SLAIN2: variants seen among roughly 807,000 people sequenced by gnomAD.
The protein encoded by SLAIN2 is SLAIN family member 2, also known as SLAIN motif-containing protein 2.
Under a neutral mutation model 56.6 loss-of-function variants are expected in SLAIN2, and 31 were observed. The ratio of observed to expected loss-of-function variants is 0.55; its 90% CI spans 0.41 to 0.74. SLAIN2 has a LOEUF of 0.74. Ranked by LOEUF, SLAIN2 falls within the 30% of genes least tolerant of loss-of-function variation. The pLI, the probability that SLAIN2 is intolerant of heterozygous loss-of-function variation, is 0.00. For missense variants in SLAIN2, 777 were observed against 754.2 expected, an observed-to-expected ratio of 1.03 and a Z score of -0.35; for synonymous variants, 317 against 284.9, an observed-to-expected ratio of 1.11 and a Z score of -1.13.
intron 4 of SLAIN2, among the ~76,000 whole-genome samples, chr4:48,381,833 T>A (rs1715980362): frequency 6.6e-6 from 1 of 152,240 alleles, no homozygotes; most frequent in South Asian, 2.1e-4. Context: ...CATTGCAGTT[T>A]GTTTCTTCAT....
In SLAIN2 at chr4:48,420,150, C is replaced by T. The variant is rs1487189004; in HGVS notation, c.1386C>T (p.Ser462=). The T allele has an allele frequency of 6.2e-7, 1 of 1,613,852 alleles. No homozygotes were observed. The highest frequency in any genetic ancestry group is 8.5e-7 in the Non-Finnish European group (1 of 1,179,834). The change falls in exon 7 of 8, where the codon TCC becomes TCT. Residue 462 remains serine (S), a synonymous_variant. Coordinates refer to ENST00000264313, the MANE Select transcript of SLAIN2 (RefSeq NM_020846.2). ...TACCTTCTCCAGGCAAATTCCGTTC[C>T]CCTGCAGCACCATCTCCTTTGGCTC... ...SAIPSPGKFR[S]PAAPSPLALR... is the part of the protein sequence containing the mutation.
At chr4:48,397,397 A>T (rs1212916901) in intron 6 of SLAIN2, among the ~76,000 whole-genome samples, 2 of 152,168 alleles carry the variant, frequency 1.3e-5, no homozygotes, top group Non-Finnish European at 2.9e-5. Flanking sequence ...GGCAACTAAG[A>T]AGGAATTAAT....
chr4:48,386,107 A>C (rs11736283), intron 6 of SLAIN2, among the ~76,000 whole-genome samples: 67,789 of 147,020 alleles, frequency 0.46, 16,668 homozygotes, highest in African/African-American at 0.63. Flanking sequence ...AAAAAAAAAA[A>C]AAGCTACGAA....
intron 1 of SLAIN2, among the ~76,000 whole-genome samples, chr4:48,347,363 A>G (rs1714897441): frequency 8.3e-6 from 1 of 120,754 alleles, no homozygotes; most frequent in South Asian, 2.6e-4. Flanking sequence ...GTCTTACCTC[A>G]GCCTCTTGAG....
rs527712059 is a variant in SLAIN2, at chr4:48,409,358, G to T, written c.1361-10767G>T. On this transcript the variant is annotated intron_variant, in intron 6 of 7. Transcript: ENST00000264313. ...CCATCAGCTATTCCATATAGCCTAG[G>T]TGTGTAGTAGCTTAAATCACTTAGG... is the stretch of plus-strand genomic sequence containing the variant. Among the ~76,000 whole-genome samples the T allele has an allele frequency of 1.1e-4, 16 of 152,206 alleles. No individual in the cohort carries two copies. The South Asian group carries it at 2.9e-3, about 28-fold the overall frequency.
intron 6 of SLAIN2, among the ~76,000 whole-genome samples, chr4:48,409,228 A>C (rs1024368722): frequency 6.6e-6 from 1 of 152,188 alleles, no homozygotes; most frequent in Non-Finnish European, 1.5e-5. Flanking sequence ...AGAATATACA[A>C]TTAAGTTATT....
intron 1 of SLAIN2, among the ~76,000 whole-genome samples, chr4:48,356,681 T>C (rs1376132079): frequency 6.6e-6 from 1 of 152,198 alleles, no homozygotes; most frequent in Non-Finnish European, 1.5e-5. Context: ...AGGTGCATAG[T>C]TATGGTTCAG....
rs2109795500 is a variant in SLAIN2 at position 48,425,402 on chromosome 4, TAATGCATTTTCATACCA to T, written c.*3331_*3347del. The stretch of plus-strand genomic sequence containing the variant: ...ATTATGAGTTTCCAAGAGGGACAAT[TAATGCATTTTCATACCA>T]AATGCGAATATTTAGGTGATCACGT... On this transcript the variant is annotated 3_prime_UTR_variant, in exon 8 of 8. Coordinates refer to ENST00000264313, the MANE Select transcript of SLAIN2 (RefSeq NM_020846.2). The T allele has an allele frequency of 6.6e-6, 1 of 152,240 alleles. No homozygotes were observed. The highest frequency in any genetic ancestry group is 1.5e-5 in the Non-Finnish European group (1 of 67,992). 9.4% of individuals were successfully genotyped at this position (152,240 alleles called of 1,614,324 possible). A position where few individuals can be genotyped will look rare whatever the true frequency, so the allele number is the denominator to read the frequency against.
intron 6 of SLAIN2, among the ~76,000 whole-genome samples, chr4:48,390,231 C>G (rs1288256424): frequency 6.6e-6 from 1 of 151,958 alleles, no homozygotes; most frequent in African/African-American, 2.4e-5. Flanking sequence ...GCACGCACCA[C>G]CATGCCTGGC....
chr4:48,363,901 G>A (rs554916311), intron 1 of SLAIN2, among the ~76,000 whole-genome samples: 9 of 137,876 alleles, frequency 6.5e-5, no homozygotes, highest in African/African-American at 1.3e-4. Flanking sequence ...CCTCCCGGAC[G>A]GCACGGCTGG....
At chr4:48,408,530 CAAAAAAA>C (rs3072283) in intron 6 of SLAIN2, among the ~76,000 whole-genome samples, 1 of 109,048 alleles carries the variant, frequency 9.2e-6, no homozygotes, top group African/African-American at 3.6e-5. Context: ...CCGTTTTTAG[CAAAAAAA>C]AAAAAAAAAA....
chr4:48,420,077 A>G (rs752863011), intron 6 of SLAIN2, 48 bp from the exon 7 acceptor site: 12 of 1,574,258 alleles, frequency 7.6e-6, no homozygotes, highest in Admixed American at 1.7e-5. Context: ...ATGGTTTCAT[A>G]TATACAGATT....
chr4:48,386,343 T>C (rs1383220505), intron 6 of SLAIN2, among the ~76,000 whole-genome samples: 1 of 152,214 alleles, frequency 6.6e-6, no homozygotes, highest in Non-Finnish European at 1.5e-5. Context: ...TCTCTGATTA[T>C]ACAGCTTATA....
chr4:48,350,855 T>C (rs1714992654), intron 1 of SLAIN2, among the ~76,000 whole-genome samples: 1 of 152,176 alleles, frequency 6.6e-6, no homozygotes, highest in Non-Finnish European at 1.5e-5. Flanking sequence ...GAGAAAAAAA[T>C]ATTGATTCTA....
intron 4 of SLAIN2, among the ~76,000 whole-genome samples, chr4:48,380,622 C>G (rs1246285432): frequency 6.6e-6 from 1 of 152,168 alleles, no homozygotes; most frequent in African/African-American, 2.4e-5. Flanking sequence ...TGCCCTGGTA[C>G]TCATCTGAAG....
intron 1 of SLAIN2, among the ~76,000 whole-genome samples, chr4:48,359,241 T>C (rs180973804): frequency 2.6e-5 from 4 of 152,274 alleles, no homozygotes; most frequent in Non-Finnish European, 4.4e-5. Context: ...GTGAAGACAG[T>C]GTCTGTTCTT....
chr4:48,383,349 G>A (rs1246496379), intron 5 of SLAIN2, among the ~76,000 whole-genome samples: 1 of 151,358 alleles, frequency 6.6e-6, no homozygotes, highest in East Asian at 1.9e-4. Flanking sequence ...AAGAGAAAGT[G>A]AATTTCATTT....
intron 6 of SLAIN2, among the ~76,000 whole-genome samples, chr4:48,394,910 G>A (rs1431410312): frequency 6.6e-6 from 1 of 152,172 alleles, no homozygotes; most frequent in Non-Finnish European, 1.5e-5. Context: ...CACTTAAAAT[G>A]AAAGGGCATC....
chr4:48,363,746 CT>C (rs1396812419), intron 1 of SLAIN2, among the ~76,000 whole-genome samples: 2 of 91,794 alleles, frequency 2.2e-5, no homozygotes, highest in African/African-American at 6.7e-5. Context: ...AGGCGGGGGG[CT>C]GACCCCCCCC....
Sources: allele counts gnomAD v4.1 joint callset (sites outside exome capture counted in the v4.1 genomes callset), GRCh38; gene constraint gnomAD v4.1.1; transcripts MANE v1.5; gene names NCBI Gene and HGNC (gene_info 2026-07-23, HGNC 2026-07-21).